SULT6B1: variants seen among roughly 807,000 people sequenced by gnomAD.
The protein encoded by SULT6B1 is sulfotransferase family 6B member 1.
A neutral mutation model predicts 37.2 loss-of-function variants in SULT6B1; 44 were observed. The observed-to-expected ratio is 1.18, with a 90% confidence interval of 0.93 to 1.52. SULT6B1 has a LOEUF of 1.52. SULT6B1 is among the 40% of genes most tolerant of loss of function. SULT6B1 has a pLI of 0.00. For missense variants in SULT6B1, 450 were observed against 361.0 expected (o/e 1.25, Z -2.00); for synonymous variants, 140 against 126.0 (o/e 1.11, Z -0.74).
rs1188788400 is a variant in SULT6B1, at chr2:37,171,445, A to C, written c.770T>G (p.Leu257Arg). The stretch of plus-strand genomic sequence containing the variant: ...CAATGCGACTTTACCTTTGCGGAAA[A>C]GGAATGGGCCGACAGCACCGTGTGT... Reference protein sequence around the residue: ...QDTHGAVGPFLFRKGEVGDWK... With the variant: ...QDTHGAVGPFRFRKGEVGDWK... The change falls in exon 6 of 7, where the codon CTT becomes CGT. Residue 257 changes from leucine to arginine, a missense_variant. Leu to Arg is a moderately radical substitution (Grantham distance 102). Coordinates refer to ENST00000535679, the MANE Select transcript of SULT6B1 (RefSeq NM_001367551.1). 6.2e-7 allele frequency: 1 copy of C among 1,612,970 alleles called. No individual in the cohort carries two copies. The highest frequency in any genetic ancestry group is 8.5e-7 in the Non-Finnish European group (1 of 1,179,554).
chr2:37,194,629 A>G, intron 1 of SULT6B1: 1 of 339,854 alleles, frequency 2.9e-6, no homozygotes, highest in South Asian at 2.6e-5. Flanking sequence ...TGCTTCTTGA[A>G]GCCCACTCTG....
At chr2:37,194,885 C>CTTCT (rs1676869506) in intron 1 of SULT6B1, 2 of 38,684 alleles carry the variant, frequency 5.2e-5, no homozygotes, top group Non-Finnish European at 1.1e-4. Context: ...CCCTCCCTTC[C>CTTCT]TTCCTTCCTT....
intron 1 of SULT6B1, among the ~76,000 whole-genome samples, chr2:37,188,182 C>A (rs914387418): frequency 3.9e-5 from 6 of 152,218 alleles, no homozygotes; most frequent in Admixed American, 3.3e-4. Context: ...CCAGGCCCGT[C>A]ATCCACCCCC....
chr2:37,191,594 A>T (rs543513555), upstream of SULT6B1, among the ~76,000 whole-genome samples: 5 of 152,320 alleles, frequency 3.3e-5, no homozygotes, highest in Admixed American at 3.3e-4. Flanking sequence ...AAGAAGAATG[A>T]GGTTATGCTG....
chr2:37,181,772 C>T (rs1676555852), intron 3 of SULT6B1, among the ~76,000 whole-genome samples: 1 of 152,288 alleles, frequency 6.6e-6, no homozygotes, highest in East Asian at 1.9e-4. Flanking sequence ...TTATAAATTA[C>T]TTCAGCTCTG....
At chr2:37,191,363 C>G (rs1015029739), upstream of SULT6B1, 1 of 152,202 alleles carries the variant, frequency 6.6e-6, no homozygotes, top group African/African-American at 2.4e-5. Context: ...ATGGCACATC[C>G]CCGCCTGGGC....
At chr2:37,193,174 G>A (rs768105537), upstream of SULT6B1, among the ~76,000 whole-genome samples, 3 of 151,962 alleles carry the variant, frequency 2.0e-5, no homozygotes, top group South Asian at 2.1e-4. Flanking sequence ...GTTTCTTTCC[G>A]CCTGGGTGTG....
chr2:37,188,386 C>T (rs1676717071), intron 1 of SULT6B1, 56 bp downstream of exon 1: 7 of 1,480,494 alleles, frequency 4.7e-6, no homozygotes, highest in Admixed American at 1.8e-5. Context: ...GTCTCATACC[C>T]TCCCCAACCT....
chr2:37,180,562 G>A (rs1275259270), intron 3 of SULT6B1, among the ~76,000 whole-genome samples: 1 of 152,140 alleles, frequency 6.6e-6, no homozygotes, highest in African/African-American at 2.4e-5. Context: ...AAGAATGTAA[G>A]GCAGAATCAG....
intron 4 of SULT6B1, among the ~76,000 whole-genome samples, chr2:37,177,150 T>G (rs890329596): frequency 2.7e-5 from 4 of 145,486 alleles, no homozygotes; most frequent in African/African-American, 1.1e-4. Context: ...ATGACAAGTT[T>G]CTCATCATCA....
rs1031705858 is a variant in SULT6B1 at position 37,188,596 on chromosome 2, T to C, written c.45A>G (p.Leu15=). The part of the protein sequence containing the change: ...SKFIEYIDEA[L]EKSKETALSH... Reference sequence around the variant, plus strand: ...AGAGTGCAGTTTCTTTTGATTTTTCTAAAGCTTCGTCAATGTATTCAATAA... The same window carrying C: ...AGAGTGCAGTTTCTTTTGATTTTTCCAAAGCTTCGTCAATGTATTCAATAA... Residue 15 remains leucine, a synonymous_variant, in exon 1 of 7, where the codon TTA becomes TTG. Transcript: ENST00000535679. The C allele has an allele frequency of 7.9e-6, 12 of 1,519,548 alleles. No homozygotes were observed. The highest frequency in any genetic ancestry group is 1.1e-5 in the Non-Finnish European group (12 of 1,094,398). 94.1% of individuals were successfully genotyped at this position (1,519,548 alleles called of 1,614,324 possible). A position where few individuals can be genotyped will look rare whatever the true frequency, so the allele number is the denominator to read the frequency against.
chr2:37,176,344 C>A (rs1269962132), intron 4 of SULT6B1, among the ~76,000 whole-genome samples: 3 of 135,588 alleles, frequency 2.2e-5, no homozygotes, highest in African/African-American at 8.2e-5. Context: ...CTCACTGCAA[C>A]CTCTGCCTCC....
intron 4 of SULT6B1, among the ~76,000 whole-genome samples, chr2:37,176,996 A>G (rs1178295891): frequency 6.6e-6 from 1 of 152,256 alleles, no homozygotes; most frequent in Non-Finnish European, 1.5e-5. Flanking sequence ...AGTATGAGAG[A>G]GAGGCCAAGG....
At chr2:37,178,435 C>A (rs990795982) in intron 4 of SULT6B1, among the ~76,000 whole-genome samples, 3 of 152,044 alleles carry the variant, frequency 2.0e-5, no homozygotes, top group Admixed American at 6.6e-5. Flanking sequence ...GGGGTTTTGC[C>A]ATGTTGGCCA....
At chr2:37,172,853 T>A (rs1676336210) in intron 5 of SULT6B1, among the ~76,000 whole-genome samples, 1 of 144,118 alleles carries the variant, frequency 6.9e-6, no homozygotes, top group Non-Finnish European at 1.5e-5. Flanking sequence ...TTTTTGGTTT[T>A]TCGTTTGTTT....
intron 6 of SULT6B1, among the ~76,000 whole-genome samples, chr2:37,169,973 A>C (rs1216441524): frequency 6.6e-6 from 1 of 152,226 alleles, no homozygotes; most frequent in East Asian, 1.9e-4. Context: ...ATTATCACAC[A>C]TTTCCACAAG....
chr2:37,180,325 G>A (rs1676523689), intron 3 of SULT6B1, among the ~76,000 whole-genome samples: 1 of 152,198 alleles, frequency 6.6e-6, no homozygotes. Flanking sequence ...TTTCAGAAAG[G>A]GGAAAGATGT....
At chr2:37,180,299 G>A (rs1676523307) in intron 3 of SULT6B1, among the ~76,000 whole-genome samples, 1 of 152,206 alleles carries the variant, frequency 6.6e-6, no homozygotes, top group African/African-American at 2.4e-5. Context: ...ACTAGAACAG[G>A]CAGAAGTCAT....
chr2:37,176,046 G>A (rs538598080), intron 4 of SULT6B1, among the ~76,000 whole-genome samples: 7 of 151,934 alleles, frequency 4.6e-5, no homozygotes, highest in Admixed American at 2.6e-4. Flanking sequence ...CAAGTGCTCC[G>A]TTGTCACATA....
Sources: allele counts gnomAD v4.1 joint callset (sites outside exome capture counted in the v4.1 genomes callset), GRCh38; gene constraint gnomAD v4.1.1; transcripts MANE v1.5; gene names NCBI Gene and HGNC (gene_info 2026-07-23, HGNC 2026-07-21).